Variants in EHD4 observed in about 807,000 individuals in gnomAD.
The protein encoded by EHD4 is EH domain-containing protein 4.
EHD4 carries 37 observed loss-of-function variants against 51.0 expected under a neutral mutation model. That is an observed-to-expected ratio of 0.73 (90% CI 0.56 to 0.95). EHD4 has a LOEUF of 0.95. EHD4 is among the 40% of genes least tolerant of loss of function. The pLI is 0.00. For synonymous variants in EHD4, 297 were observed against 317.3 expected (o/e 0.94, Z 0.68); for missense variants, 632 against 733.1 (o/e 0.86, Z 1.59).
chr15:41,968,920 C>G (rs375608678), intron 1 of EHD4, among the ~76,000 whole-genome samples: 1 of 152,202 alleles, frequency 6.6e-6, no homozygotes, highest in African/African-American at 2.4e-5. Context: ...AGAAACTCCA[C>G]GCCCACTAAC....
intron 5 of EHD4, among the ~76,000 whole-genome samples, 166 bp downstream of exon 5, chr15:41,909,533 G>A (rs963250536): frequency 6.6e-6 from 1 of 152,210 alleles, no homozygotes; most frequent in Non-Finnish European, 1.5e-5. Context: ...TGGAAGACAG[G>A]CAATTTCTGC....
intron 4 of EHD4, among the ~76,000 whole-genome samples, chr15:41,912,616 A>G (rs905280939): frequency 1.3e-5 from 2 of 151,800 alleles, no homozygotes; most frequent in Non-Finnish European, 2.9e-5. Flanking sequence ...AATAGCTTGA[A>G]CCCGGGAGGC....
rs1308569521 is a variant in EHD4 at position 41,896,801 on chromosome 15, C to T, written c.*3844G>A. 2.0e-5 allele frequency: 3 copies of T among 152,450 alleles called. No homozygotes were observed. The highest frequency in any genetic ancestry group is 7.2e-5 in the African/African-American group (3 of 41,572). 9.4% of individuals were successfully genotyped at this position (152,450 alleles called of 1,614,324 possible). ...CTGAAGTGGGGCTTTTGTCCACAGA[C>T]CTGGCCTCTGCTGCCTACCCTCTTC... On this transcript the variant is annotated 3_prime_UTR_variant, in exon 6 of 6. Transcript: ENST00000220325.
intron 1 of EHD4, among the ~76,000 whole-genome samples, chr15:41,958,248 C>T (rs1328736273): frequency 1.3e-5 from 2 of 151,998 alleles, no homozygotes; most frequent in Non-Finnish European, 2.9e-5. Context: ...TCGGAGAGGC[C>T]TGCCAATTCC....
intron 3 of EHD4, among the ~76,000 whole-genome samples, chr15:41,921,092 C>G (rs1356885320): frequency 6.6e-6 from 1 of 152,156 alleles, no homozygotes; most frequent in African/African-American, 2.4e-5. Flanking sequence ...GATTCAGGTC[C>G]ATTTTTCATA....
intron 2 of EHD4, among the ~76,000 whole-genome samples, chr15:41,945,848 A>C (rs997962607): frequency 6.6e-6 from 1 of 152,224 alleles, no homozygotes; most frequent in Non-Finnish European, 1.5e-5. Context: ...AGTAGTGAAG[A>C]ACCTGGGCTC....
chr15:41,945,944 C>T lies in EHD4; in HGVS notation c.414-2780G>A, dbSNP rs558362102. 8.5e-5 allele frequency among the ~76,000 whole-genome samples: 13 copies of T among 152,316 alleles called. No homozygotes were observed. The South Asian group carries it at 1.0e-3, about 12-fold the overall frequency. On this transcript the variant is annotated intron_variant, in intron 2 of 5. Transcript: ENST00000220325. The stretch of plus-strand genomic sequence containing the variant: ...CAAGGTATGTCGTGTGACTCCTCTG[C>T]GCCCAGTCTCCTCCTTTATAAGCAG...
rs1201938268 is a variant in EHD4, at chr15:41,972,541, T to A, written c.-47A>T. 4.1e-5 allele frequency: 59 copies of A among 1,426,782 alleles called. No homozygotes were observed. The highest frequency in any genetic ancestry group is 8.6e-5 in the Admixed American group (3 of 35,060). 88.4% of individuals were successfully genotyped at this position (1,426,782 alleles called of 1,614,324 possible). A position where few individuals can be genotyped will look rare whatever the true frequency, so the allele number is the denominator to read the frequency against. On this transcript the variant is annotated 5_prime_UTR_variant, in exon 1 of 6. Transcript: ENST00000220325. The stretch of plus-strand genomic sequence containing the variant: ...GATGGGACCCTGCTCCGGGTTCGAC[T>A]CTCCCCGGCTCGCACTGAGCCGCCC...
intron 3 of EHD4, chr15:41,942,354 C>T (rs1028791234): frequency 3.9e-5 from 6 of 151,950 alleles, no homozygotes; most frequent in African/African-American, 7.3e-5. Context: ...GTTCAGCTCT[C>T]GTGCCTCAGC....
chr15:41,916,670 G>A (rs557905742), intron 4 of EHD4, among the ~76,000 whole-genome samples: 11 of 152,340 alleles, frequency 7.2e-5, no homozygotes, highest in African/African-American at 2.6e-4. Context: ...GGTGGCGTGA[G>A]GTCAATGTCA....
intron 1 of EHD4, among the ~76,000 whole-genome samples, chr15:41,963,151 A>T (rs1319493379): frequency 1.3e-5 from 2 of 152,192 alleles, no homozygotes; most frequent in African/African-American, 4.8e-5. Flanking sequence ...GGACACAAAC[A>T]CTGCGGAAGG....
rs144560970 is a variant in EHD4, at chr15:41,937,372, C to T, written c.511+5695G>A. Among the ~76,000 whole-genome samples, 480 of 152,296 alleles carry T rather than the reference C, an allele frequency of 3.2e-3. 3 individuals are homozygous for T. Among genetic ancestry groups the T allele is most frequent in the African/African-American group, 0.011 (459 of 41,568 alleles). On this transcript the variant is annotated intron_variant, in intron 3 of 5. Transcript: ENST00000220325. ...AGGGCAGCCACAGTTCTCTCTCCCT[C>T]GACTCGGTGCTAGGCAGAGGCTGTG...
chr15:41,933,702 T>A (rs915112930), intron 3 of EHD4, among the ~76,000 whole-genome samples: 2 of 152,202 alleles, frequency 1.3e-5, no homozygotes, highest in African/African-American at 4.8e-5. Context: ...CAACAGGGAT[T>A]GAGGCTGTGT....
At position 41,960,553 on chromosome 15, in the gene EHD4, C is replaced by T. The variant is rs571871156; in HGVS notation, c.237-6613G>A. Among the ~76,000 whole-genome samples the T allele has an allele frequency of 1.2e-3, 189 of 151,980 alleles. 2 individuals are homozygous for T. Among genetic ancestry groups the T allele is most frequent in the African/African-American group, 4.5e-3 (186 of 41,450 alleles). ...TCCTGTTAGGCATTTAAATAGCTTTCTATTTTTTGCTGTTATAAATAATGC... is the reference window on the plus strand; with the variant it reads ...TCCTGTTAGGCATTTAAATAGCTTTTTATTTTTTGCTGTTATAAATAATGC... On this transcript the variant is annotated intron_variant, in intron 1 of 5. Transcript: ENST00000220325.
intron 3 of EHD4, among the ~76,000 whole-genome samples, chr15:41,933,701 T>C (rs1251003246): frequency 6.6e-6 from 1 of 152,166 alleles, no homozygotes; most frequent in Non-Finnish European, 1.5e-5. Flanking sequence ...GCAACAGGGA[T>C]TGAGGCTGTG....
At chr15:41,933,893 C>T (rs999719257) in intron 3 of EHD4, among the ~76,000 whole-genome samples, 30 of 152,286 alleles carry the variant, frequency 2.0e-4, no homozygotes, top group African/African-American at 7.0e-4. Flanking sequence ...CAGCATCAGG[C>T]CTCACGCCCT....
chr15:41,946,038 G>T (rs148900089), intron 2 of EHD4, among the ~76,000 whole-genome samples: 35 of 152,334 alleles, frequency 2.3e-4, no homozygotes, highest in Admixed American at 7.8e-4. Flanking sequence ...TGCTTTGAAC[G>T]GTGCCTGACA....
intron 5 of EHD4, among the ~76,000 whole-genome samples, chr15:41,907,824 C>G (rs867443580): frequency 0.02 from 2,598 of 132,086 alleles, 84 homozygotes; most frequent in African/African-American, 0.071. Context: ...CGCCCAGGCT[C>G]TGTGTGTGTG....
In EHD4 at chr15:41,900,862, G is replaced by C; in HGVS notation, c.1409C>G (p.Ala470Gly). ...PINGKISGVN[A>G]KKEMVTSKLP... ...CTTGGAGGTCACCATCTCCTTCTTGGCGTTGACACCTGATATCTTGCCATT... is the reference window on the plus strand; with the variant it reads ...CTTGGAGGTCACCATCTCCTTCTTGCCGTTGACACCTGATATCTTGCCATT... Residue 470 changes from alanine to glycine, a missense_variant, in exon 6 of 6, where the codon GCC becomes GGC. Transcript: ENST00000220325. This position sits in a 1 kb window ranked among gnomAD's most constrained non-coding sequence, Gnocchi z 4.8. 6.2e-7 allele frequency: 1 copy of C among 1,614,168 alleles called. No homozygotes were observed. Among genetic ancestry groups the C allele is most frequent in the South Asian group, 1.1e-5 (1 of 91,078 alleles).
Sources: allele counts gnomAD v4.1 joint callset (sites outside exome capture counted in the v4.1 genomes callset), GRCh38; gene constraint gnomAD v4.1.1; non-coding constraint Gnocchi (gnomAD v3.1); transcripts MANE v1.5; gene names NCBI Gene and HGNC (gene_info 2026-07-23, HGNC 2026-07-21).